UNC13C: variants seen among roughly 807,000 people sequenced by gnomAD.
UNC13C encodes the protein unc-13 homolog C.
A neutral mutation model predicts 245.4 loss-of-function variants in UNC13C; 174 were observed. The observed-to-expected ratio is 0.71, with a 90% CI of 0.63 to 0.80. The LOEUF (loss-of-function observed/expected upper bound fraction) is 0.80. UNC13C is among the 30% of genes least tolerant of loss of function. The pLI is 0.00. For missense variants in UNC13C, 2,829 were observed against 2,602.9 expected (o/e 1.09, Z -1.89); for synonymous variants, 992 against 895.1 (o/e 1.11, Z -1.93).
At chr15:54,103,092 G>A (rs1332448464) in intron 2 of UNC13C, among the ~76,000 whole-genome samples, 2 of 152,134 alleles carry the variant, frequency 1.3e-5, no homozygotes, top group Non-Finnish European at 2.9e-5. Context: ...GGGAGAGAAA[G>A]CCCTCTTTCT....
the UNC13C span, among the ~76,000 whole-genome samples, chr15:53,887,569 G>T: frequency 2.0e-5 from 3 of 151,974 alleles, no homozygotes; most frequent in Non-Finnish European, 2.9e-5. Context: ...GTTGCATGGG[G>T]TCTGTTTCTT....
At chr15:53,898,346 A>AT in the UNC13C span, among the ~76,000 whole-genome samples, 1 of 152,158 alleles carries the variant, frequency 6.6e-6, no homozygotes, top group Admixed American at 6.5e-5. Context: ...TGGTAAGGTT[A>AT]TTGAGTGCAG....
At chr15:54,452,321 T>C (rs1439200108) in intron 19 of UNC13C, among the ~76,000 whole-genome samples, 1 of 152,160 alleles carries the variant, frequency 6.6e-6, no homozygotes, top group African/African-American at 2.4e-5. Flanking sequence ...TGGCCCTGGA[T>C]AGTGCGTGGA....
intron 4 of UNC13C, among the ~76,000 whole-genome samples, chr15:54,205,205 G>T (rs1401398844): frequency 6.6e-6 from 1 of 151,094 alleles, no homozygotes; most frequent in Non-Finnish European, 1.5e-5. Flanking sequence ...GTAGTACTCT[G>T]TTTTAAAAAT....
chr15:54,483,962 ATG>A (rs1318761250), intron 19 of UNC13C, among the ~76,000 whole-genome samples: 3 of 52,898 alleles, frequency 5.7e-5, no homozygotes, highest in Non-Finnish European at 7.9e-5. Flanking sequence ...ACACACACAC[ATG>A]CACACTCACA....
At chr15:54,346,357 C>T (rs542636884) in intron 17 of UNC13C, among the ~76,000 whole-genome samples, 17 of 152,300 alleles carry the variant, frequency 1.1e-4, no homozygotes, top group African/African-American at 4.1e-4. Context: ...AATTACAGCT[C>T]TACTTTTCAG....
chr15:54,603,538 C>T (rs1475875281), intron 30 of UNC13C, among the ~76,000 whole-genome samples: 1 of 151,930 alleles, frequency 6.6e-6, no homozygotes, highest in Non-Finnish European at 1.5e-5. Context: ...CACTCCCACC[C>T]CTGAAACCAT....
chr15:53,883,225 CAGAAAAGGGCAGTAAAGCTACTGTT>C, the UNC13C span, among the ~76,000 whole-genome samples: 1 of 152,112 alleles, frequency 6.6e-6, no homozygotes, highest in Non-Finnish European at 1.5e-5. Context: ...ATATCAGCCT[CAGAAAAGGGCAGTAAAGCTACTGTT>C]AGAACTGAAT....
intron 30 of UNC13C, among the ~76,000 whole-genome samples, chr15:54,569,317 G>A (rs1054283438): frequency 6.6e-6 from 1 of 151,954 alleles, no homozygotes. Flanking sequence ...CTCAAGTCCC[G>A]GATATAAAAA....
chr15:54,334,130 A>C (rs1196422243), intron 16 of UNC13C, among the ~76,000 whole-genome samples: 3 of 152,240 alleles, frequency 2.0e-5, no homozygotes, highest in Admixed American at 1.3e-4. Flanking sequence ...TGGATGTGGC[A>C]CTTAAAAAAT....
intron 13 of UNC13C, among the ~76,000 whole-genome samples, chr15:54,308,269 A>G (rs993322223): frequency 6.6e-6 from 1 of 151,922 alleles, no homozygotes; most frequent in Non-Finnish European, 1.5e-5. Flanking sequence ...TTTGAAATAC[A>G]TATTAGACCA....
At chr15:53,962,362 AT>A in the UNC13C span, among the ~76,000 whole-genome samples, 2 of 152,094 alleles carry the variant, frequency 1.3e-5, no homozygotes, top group African/African-American at 4.8e-5. Context: ...AGATATTATT[AT>A]TTTCAAATAC....
chr15:54,605,604 T>C (rs1376368410), intron 30 of UNC13C, among the ~76,000 whole-genome samples: 1 of 152,148 alleles, frequency 6.6e-6, no homozygotes, highest in African/African-American at 2.4e-5. Context: ...ACCCTTGTTT[T>C]AAAGTTCCTC....
chr15:54,423,312 A>G (rs926411602), intron 19 of UNC13C, among the ~76,000 whole-genome samples: 6 of 151,534 alleles, frequency 4.0e-5, no homozygotes, highest in African/African-American at 9.7e-5. Context: ...TTCAAAAAAT[A>G]ATAATTGAAT....
Position 54,627,784 on chromosome 15 carries a change from A to C in UNC13C, c.*671A>C, listed in dbSNP as rs1410016103. 1 of 152,624 alleles carries C rather than the reference A, an allele frequency of 6.6e-6. No homozygotes were observed. Among genetic ancestry groups the C allele is most frequent in the Non-Finnish European group, 1.5e-5 (1 of 68,018 alleles). 9.5% of individuals were successfully genotyped at this position (152,624 alleles called of 1,614,324 possible). A position where few individuals can be genotyped will look rare whatever the true frequency, so the allele number is the denominator to read the frequency against. On this transcript the variant is annotated 3_prime_UTR_variant, in exon 33 of 33. Coordinates refer to ENST00000260323, the MANE Select transcript of UNC13C (RefSeq NM_001080534.3). ...CAAAACTTTGTTCTCTAAAACTGCCAAGATCACATCACATTTGTAAAAATG... is the reference window on the plus strand; with the variant it reads ...CAAAACTTTGTTCTCTAAAACTGCCCAGATCACATCACATTTGTAAAAATG...
At chr15:54,362,303 C>G (rs2039251333) in intron 17 of UNC13C, among the ~76,000 whole-genome samples, 1 of 152,218 alleles carries the variant, frequency 6.6e-6, no homozygotes, top group African/African-American at 2.4e-5. Context: ...ACTCCTTCCT[C>G]TCACCTCAGA....
the UNC13C span, among the ~76,000 whole-genome samples, chr15:53,957,457 G>C: frequency 6.6e-6 from 1 of 152,128 alleles, no homozygotes; most frequent in Non-Finnish European, 1.5e-5. Flanking sequence ...TCTCAAAAGT[G>C]TTTTTAAAGG....
At chr15:54,621,603 T>C (rs1042101180) in intron 30 of UNC13C, among the ~76,000 whole-genome samples, 1 of 152,146 alleles carries the variant, frequency 6.6e-6, no homozygotes, top group African/African-American at 2.4e-5. Context: ...GGGAAAAATG[T>C]GTATGTTCAT....
chr15:54,570,140 C>T (rs1417501253), intron 30 of UNC13C, among the ~76,000 whole-genome samples: 4 of 152,150 alleles, frequency 2.6e-5, no homozygotes, highest in Admixed American at 2.6e-4. Context: ...GTGTGTGTTT[C>T]TGGGGACCCT....
Sources: allele counts gnomAD v4.1 joint callset (sites outside exome capture counted in the v4.1 genomes callset), GRCh38; gene constraint gnomAD v4.1.1; transcripts MANE v1.5; gene names NCBI Gene and HGNC (gene_info 2026-07-23, HGNC 2026-07-21).